The following VPS8 variants were observed in gnomAD, a reference collection of about 807,000 sequenced individuals.
VPS8 encodes vacuolar protein sorting-associated protein 8 homolog.
Under a neutral mutation model 216.4 loss-of-function variants are expected in VPS8, and 129 were observed. That is an observed-to-expected ratio of 0.60 (90% CI 0.52 to 0.69). The LOEUF (loss-of-function observed/expected upper bound fraction) is 0.69. VPS8 is among the 30% of genes least tolerant of loss of function. VPS8 has a pLI of 0.00. For missense variants in VPS8, 1,531 were observed against 1,683.5 expected (o/e 0.91, Z 1.59); for synonymous variants, 571 against 565.4 (o/e 1.01, Z -0.14).
intron 36 of VPS8, among the ~76,000 whole-genome samples, chr3:184,955,227 G>A (rs1745375512): frequency 6.6e-6 from 1 of 152,196 alleles, no homozygotes; most frequent in Admixed American, 6.5e-5. Flanking sequence ...CTGTGGTGCT[G>A]TGCTTCAGTG....
chr3:184,933,856 C>T (rs1741142628), intron 34 of VPS8, among the ~76,000 whole-genome samples: 1 of 152,108 alleles, frequency 6.6e-6, no homozygotes, highest in African/African-American at 2.4e-5. Context: ...GCATCAGTAC[C>T]ACACTATATT....
intron 45 of VPS8, among the ~76,000 whole-genome samples, chr3:185,016,984 G>T (rs1328221905): frequency 2.0e-5 from 3 of 151,778 alleles, no homozygotes; most frequent in Non-Finnish European, 4.4e-5. Context: ...GCTTGAAGCG[G>T]TTCCTTCAAA....
At chr3:184,972,547 G>C (rs957604249) in intron 40 of VPS8, among the ~76,000 whole-genome samples, 1 of 152,176 alleles carries the variant, frequency 6.6e-6, no homozygotes, top group Non-Finnish European at 1.5e-5. Context: ...CCAGTACTCA[G>C]GCTGCACCCC....
chr3:184,936,480 GT>G, intron 35 of VPS8, 145 bp downstream of exon 35: 2 of 668,466 alleles, frequency 3.0e-6, no homozygotes, highest in Non-Finnish European at 4.9e-6. Context: ...AGTGATTGTG[GT>G]TTTTGCCATT....
chr3:184,947,293 T>C (rs1743859658), intron 36 of VPS8, among the ~76,000 whole-genome samples: 1 of 152,236 alleles, frequency 6.6e-6, no homozygotes, highest in African/African-American at 2.4e-5. Flanking sequence ...TTGATTGTTC[T>C]GTGCCCCCTT....
chr3:184,834,646 C>G lies in VPS8; in HGVS notation c.354-3C>G. The stretch of plus-strand genomic sequence containing the variant: ...TTTAAATGTTTTTCTTTTTTTTTTT[C>G]AGGAAGAAGAAATTACCTGATTCTT... On this transcript the variant is annotated splice_region_variant and splice_polypyrimidine_tract_variant and intron_variant, in intron 4 of 47. Transcript: ENST00000625842. The G allele has an allele frequency of 6.9e-7, 1 of 1,455,372 alleles. No individual in the cohort carries two copies. Among genetic ancestry groups the G allele is most frequent in the Non-Finnish European group, 9.1e-7 (1 of 1,093,208 alleles). 90.2% of individuals were successfully genotyped at this position (1,455,372 alleles called of 1,614,324 possible).
At position 185,048,515 on chromosome 3, in the gene VPS8, C is replaced by T. The variant is rs1188161795; in HGVS notation, c.4093C>T (p.Gln1365Ter). 8 of 1,613,856 alleles carry T rather than the reference C, an allele frequency of 5.0e-6. No homozygotes were observed. The highest frequency in any genetic ancestry group is 6.8e-6 in the Non-Finnish European group (8 of 1,179,900). Residue 1365 changes from glutamine to a stop codon, truncating the protein, a stop_gained, in exon 47 of 48, where the codon CAA (glutamine) becomes TAA (stop). Coordinates refer to ENST00000625842, the MANE Select transcript of VPS8 (RefSeq NM_001009921.3). LOFTEE classifies it high-confidence loss of function. ...SEPVLDPQQI[Q>*]AFDQLCRLYR... ...ACCTGTTCTGGATCCACAGCAAATC[C>T]AAGCATTTGATCAGCTTTGCCGTCT...
intron 29 of VPS8, among the ~76,000 whole-genome samples, chr3:184,921,883 A>G (rs575834056): frequency 4.1e-4 from 62 of 152,082 alleles, no homozygotes; most frequent in Non-Finnish European, 7.5e-4. Flanking sequence ...TTCTGTTTCT[A>G]AGTTAGGAGG....
chr3:184,992,957 CA>C (rs1332518201), intron 42 of VPS8, among the ~76,000 whole-genome samples: 1 of 151,972 alleles, frequency 6.6e-6, no homozygotes, highest in Non-Finnish European at 1.5e-5. Context: ...TTGAGATTTG[CA>C]GCCACTAGCA....
At chr3:184,959,201 C>T (rs1415437762) in intron 37 of VPS8, among the ~76,000 whole-genome samples, 1 of 152,146 alleles carries the variant, frequency 6.6e-6, no homozygotes, top group Admixed American at 6.6e-5. Flanking sequence ...CCTGTAAGCA[C>T]ACCATCTTGA....
At chr3:184,833,304 G>A (rs1358872950) in intron 4 of VPS8, among the ~76,000 whole-genome samples, 3 of 152,108 alleles carry the variant, frequency 2.0e-5, no homozygotes, top group Non-Finnish European at 4.4e-5. Flanking sequence ...CACCTTCCAA[G>A]TTCTTGGAGA....
chr3:184,990,277 A>G (rs549898812), intron 42 of VPS8, among the ~76,000 whole-genome samples: 26 of 151,788 alleles, frequency 1.7e-4, no homozygotes, highest in Admixed American at 1.4e-3. Flanking sequence ...TTGCCTTTCC[A>G]CCCTCACTGC....
chr3:184,926,085 A>G (rs1739561180), intron 30 of VPS8, among the ~76,000 whole-genome samples: 1 of 144,282 alleles, frequency 6.9e-6, no homozygotes, highest in Non-Finnish European at 1.5e-5. Flanking sequence ...TCTTAGAGTT[A>G]TGTTGCCAGG....
intron 42 of VPS8, among the ~76,000 whole-genome samples, chr3:184,984,474 G>A (rs2109776426): frequency 6.6e-6 from 1 of 151,736 alleles, no homozygotes; most frequent in East Asian, 2.0e-4. Flanking sequence ...TGTATTTTTA[G>A]TAGAGACCGG....
chr3:184,824,307 T>C, intron 1 of VPS8: 1 of 226,384 alleles, frequency 4.4e-6, no homozygotes, highest in East Asian at 9.0e-5. Context: ...TTCATGACTT[T>C]GGGTGGCGGG....
chr3:184,935,571 A>C (rs1011252608), intron 34 of VPS8, among the ~76,000 whole-genome samples: 4 of 152,180 alleles, frequency 2.6e-5, no homozygotes, highest in Non-Finnish European at 5.9e-5. Flanking sequence ...TAGTGTCCCC[A>C]CAGAGAAGGT....
chr3:184,915,309 C>T (rs763000376), intron 27 of VPS8, 46 bp from the exon 28 acceptor site: 37 of 1,589,434 alleles, frequency 2.3e-5, no homozygotes, highest in Non-Finnish European at 3.2e-5. Flanking sequence ...CAGCAAGATA[C>T]TTTGTCAGGT....
chr3:185,016,083 C>T (rs1353433191), intron 45 of VPS8, among the ~76,000 whole-genome samples: 2 of 152,186 alleles, frequency 1.3e-5, no homozygotes, highest in African/African-American at 4.8e-5. Flanking sequence ...CTAGGATCTC[C>T]TCTAAGGATA....
At chr3:184,887,059 C>A (rs1353136789) in intron 22 of VPS8, among the ~76,000 whole-genome samples, 7 of 152,176 alleles carry the variant, frequency 4.6e-5, no homozygotes, top group Non-Finnish European at 1.0e-4. Flanking sequence ...ACTAGCCAAC[C>A]TGGCTGGACG....
Sources: gnomAD v4.1 joint callset for allele counts (sites outside exome capture counted in the v4.1 genomes callset) on GRCh38, gnomAD v4.1.1 for gene constraint, MANE v1.5 for transcripts, NCBI Gene and HGNC (gene_info 2026-07-23, HGNC 2026-07-21) for gene names.